XRCC4: variants seen among roughly 807,000 people sequenced by gnomAD.
XRCC4 encodes the protein DNA repair protein XRCC4.
In XRCC4, 28 loss-of-function variants were observed where a neutral mutation model predicts 39.1. That is an observed-to-expected ratio of 0.72 (90% CI 0.53 to 0.98). XRCC4 has a LOEUF of 0.98. XRCC4 is among the 50% of genes least tolerant of loss of function. XRCC4 has a pLI of 0.00. For synonymous variants in XRCC4, 123 were observed against 126.4 expected, an observed-to-expected ratio of 0.97 and a Z score of 0.18; for missense variants, 350 against 376.4, an observed-to-expected ratio of 0.93 and a Z score of 0.58.
intron 6 of XRCC4, among the ~76,000 whole-genome samples, chr5:83,215,057 C>T (rs1248904596): frequency 2.0e-5 from 3 of 151,834 alleles, no homozygotes; most frequent in Non-Finnish European, 4.4e-5. Context: ...TATTGTTGGC[C>T]GGGTGTAATG....
the XRCC4 span, among the ~76,000 whole-genome samples, chr5:83,367,781 TG>T: frequency 6.6e-6 from 1 of 150,664 alleles, no homozygotes; most frequent in Admixed American, 6.6e-5. Flanking sequence ...TTAGTTGAGA[TG>T]GGGTTTCACT....
intron 3 of XRCC4, among the ~76,000 whole-genome samples, chr5:83,116,983 A>G (rs1281118660): frequency 6.6e-6 from 1 of 152,164 alleles, no homozygotes; most frequent in East Asian, 1.9e-4. Context: ...GTCAATATTT[A>G]TACTCATGTT....
At chr5:83,280,504 A>C (rs189506722) in intron 7 of XRCC4, 13 of 793,458 alleles carry the variant, frequency 1.6e-5, no homozygotes, top group Middle Eastern at 3.7e-4. Flanking sequence ...TCTGCTCATC[A>C]GTATACCACA....
chr5:83,086,506 G>A (rs369217785), intron 1 of XRCC4, among the ~76,000 whole-genome samples: 19 of 152,126 alleles, frequency 1.2e-4, no homozygotes, highest in Non-Finnish European at 1.5e-5. Flanking sequence ...AGTGGAAGTC[G>A]ATCATCATAA....
At chr5:83,092,599 G>A (rs997404380) in intron 1 of XRCC4, among the ~76,000 whole-genome samples, 5 of 151,378 alleles carry the variant, frequency 3.3e-5, no homozygotes, top group African/African-American at 1.2e-4. Context: ...AACTTTCAAG[G>A]GATATATATA....
chr5:83,307,788 G>A (rs945923655), intron 7 of XRCC4, among the ~76,000 whole-genome samples: 2 of 152,336 alleles, frequency 1.3e-5, no homozygotes, highest in South Asian at 4.1e-4. Context: ...AGTAAGGTGA[G>A]AGCAAGGGAG....
intron 3 of XRCC4, among the ~76,000 whole-genome samples, chr5:83,160,395 A>G (rs1017575429): frequency 2.6e-5 from 4 of 152,134 alleles, no homozygotes; most frequent in African/African-American, 7.2e-5. Context: ...ATAATTTTGT[A>G]TGTGCAGTAT....
intron 7 of XRCC4, among the ~76,000 whole-genome samples, chr5:83,330,189 G>A (rs139568306): frequency 3.9e-5 from 6 of 151,912 alleles, no homozygotes; most frequent in Non-Finnish European, 8.8e-5. Context: ...GTATTGAAGA[G>A]GAATTGATCC....
At chr5:83,208,055 T>A (rs1379673034) in intron 6 of XRCC4, among the ~76,000 whole-genome samples, 1 of 152,042 alleles carries the variant, frequency 6.6e-6, no homozygotes, top group African/African-American at 2.4e-5. Context: ...AATTTGGTAG[T>A]TATTTTGTTA....
the XRCC4 span, among the ~76,000 whole-genome samples, chr5:83,363,678 C>A: frequency 6.6e-6 from 1 of 152,194 alleles, no homozygotes; most frequent in East Asian, 1.9e-4. Flanking sequence ...CCAAGAGAGA[C>A]TCTTTCTAGT....
chr5:83,215,322 G>C (rs1414675725), intron 6 of XRCC4, among the ~76,000 whole-genome samples: 2 of 152,096 alleles, frequency 1.3e-5, no homozygotes, highest in Non-Finnish European at 2.9e-5. Context: ...CTGGGTGACA[G>C]AGCGAGACCC....
At chr5:83,348,955 A>T (rs1757000780) in intron 7 of XRCC4, among the ~76,000 whole-genome samples, 1 of 151,898 alleles carries the variant, frequency 6.6e-6, no homozygotes, top group Non-Finnish European at 1.5e-5. Flanking sequence ...CCAGTTCCCA[A>T]TAACTTCCTT....
intron 1 of XRCC4, among the ~76,000 whole-genome samples, chr5:83,086,922 T>G (rs888892726): frequency 6.6e-6 from 1 of 152,170 alleles, no homozygotes; most frequent in African/African-American, 2.4e-5. Flanking sequence ...ACCATGATCT[T>G]TATGTTCTTG....
intron 3 of XRCC4, among the ~76,000 whole-genome samples, chr5:83,175,709 A>G (rs1341995616): frequency 6.6e-6 from 1 of 152,100 alleles, no homozygotes; most frequent in Non-Finnish European, 1.5e-5. Flanking sequence ...CCTGGGTTCA[A>G]TCGATTCTCC....
chr5:83,320,658 A>G (rs1485062271), intron 7 of XRCC4, among the ~76,000 whole-genome samples: 2 of 151,908 alleles, frequency 1.3e-5, no homozygotes, highest in Non-Finnish European at 2.9e-5. Context: ...GCCACTTAAT[A>G]CCTTTGGCAA....
intron 3 of XRCC4, among the ~76,000 whole-genome samples, chr5:83,165,908 T>G (rs1432384052): frequency 2.1e-5 from 3 of 141,538 alleles, no homozygotes; most frequent in Non-Finnish European, 4.6e-5. Flanking sequence ...TTTTTTGAGA[T>G]GGAGTCTTAC....
chr5:83,353,063 C>T (rs1757125187), intron 7 of XRCC4, 68 bp from the exon 8 acceptor site: 1 of 1,264,006 alleles, frequency 7.9e-7, no homozygotes, highest in South Asian at 1.5e-5. Context: ...TGTGTCTCTT[C>T]ATTTTCTTTT....
intron 7 of XRCC4, among the ~76,000 whole-genome samples, chr5:83,334,361 T>C (rs28360321): frequency 0.021 from 3,152 of 152,246 alleles, 55 homozygotes; most frequent in Non-Finnish European, 0.032. Context: ...AACAGACCAG[T>C]TACCTTAAGA....
Position 83,100,529 on chromosome 5 carries a change from C to G in XRCC4, c.-10-4381C>G, listed in dbSNP as rs190868996. On this transcript the variant is annotated intron_variant, in intron 1 of 7. Transcript: ENST00000396027. ...AGCAATGAAACCAATTGCTATTTCA[C>G]AGTAATTATAAGTGCTGTATTTTCC... 2.4e-4 allele frequency among the ~76,000 whole-genome samples: 36 copies of G among 152,070 alleles called. No individual in the cohort carries two copies. The East Asian group carries it at 7.0e-3, about 29-fold the overall frequency.
Sources: allele counts gnomAD v4.1 joint callset (sites outside exome capture counted in the v4.1 genomes callset), GRCh38; gene constraint gnomAD v4.1.1; transcripts MANE v1.5; gene names NCBI Gene and HGNC (gene_info 2026-07-23, HGNC 2026-07-21).